UBE2H: variants seen among roughly 807,000 people sequenced by gnomAD.
UBE2H encodes the protein ubiquitin conjugating enzyme E2 H, also known as ubiquitin-conjugating enzyme E2 H.
In UBE2H, 3 loss-of-function variants were observed where a neutral mutation model predicts 29.0. That is an observed-to-expected ratio of 0.10 (90% CI 0.05 to 0.27). UBE2H has a LOEUF of 0.27. Among genes scored for constraint, UBE2H ranks in the 10% least tolerant of loss-of-function variants. The pLI, the probability that UBE2H is intolerant of heterozygous loss-of-function variation, is 1.00. For synonymous variants in UBE2H, 69 were observed against 82.9 expected, an observed-to-expected ratio of 0.83 and a Z score of 0.91; for missense variants, 68 against 228.2, an observed-to-expected ratio of 0.30 and a Z score of 4.52.
intron 1 of UBE2H, among the ~76,000 whole-genome samples, chr7:129,945,843 C>T (rs1374206043): frequency 1.3e-5 from 2 of 151,990 alleles, no homozygotes; most frequent in African/African-American, 2.4e-5. Flanking sequence ...CAGGTTCAAG[C>T]GAATTGATTC....
intron 5 of UBE2H, among the ~76,000 whole-genome samples, chr7:129,854,838 C>T (rs1375740342): frequency 4.6e-5 from 7 of 152,016 alleles, no homozygotes; most frequent in Admixed American, 4.6e-4. Flanking sequence ...TGTGGTTTAT[C>T]TACACAATGA....
At chr7:129,858,805 A>C in intron 4 of UBE2H, 97 bp downstream of exon 4, 1 of 1,119,070 alleles carries the variant, frequency 8.9e-7, no homozygotes. Flanking sequence ...CCTCCTGATA[A>C]GGTCCAAAAA....
intron 1 of UBE2H, among the ~76,000 whole-genome samples, chr7:129,882,466 A>G (rs1391464059): frequency 1.3e-5 from 2 of 152,260 alleles, no homozygotes; most frequent in African/African-American, 4.8e-5. Flanking sequence ...CCCGTGTCCA[A>G]TGAGACACAG....
At chr7:129,838,614 A>G (rs751820227) in intron 6 of UBE2H, among the ~76,000 whole-genome samples, 7 of 152,124 alleles carry the variant, frequency 4.6e-5, no homozygotes, top group Admixed American at 6.5e-5. Context: ...AAAATGGAAA[A>G]TCCAATGAAC....
intron 1 of UBE2H, among the ~76,000 whole-genome samples, chr7:129,912,048 C>G (rs1806947968): frequency 6.6e-6 from 1 of 152,124 alleles, no homozygotes; most frequent in African/African-American, 2.4e-5. Context: ...GATGCAGGAC[C>G]AAGGTAGGCC....
At chr7:129,890,277 ATATATATACACGTG>A (rs1202875576) in intron 1 of UBE2H, among the ~76,000 whole-genome samples, 1 of 151,572 alleles carries the variant, frequency 6.6e-6, no homozygotes, top group African/African-American at 2.4e-5. Context: ...ATACACACGT[ATATATATACACGTG>A]TATATGTATA....
chr7:129,879,652 A>C lies in UBE2H; in HGVS notation c.131-10T>G. ...CCGCCTTCATATGGTGCTGAAATAA[A>C]AGTAAAAATGTTCATCAGAACTACA... On this transcript the variant is annotated splice_polypyrimidine_tract_variant and intron_variant, in intron 2 of 6. Coordinates refer to ENST00000355621, the MANE Select transcript of UBE2H (RefSeq NM_003344.4). The C allele has an allele frequency of 6.2e-7, 1 of 1,608,900 alleles. No individual in the cohort carries two copies. Among genetic ancestry groups the C allele is most frequent in the Non-Finnish European group, 8.5e-7 (1 of 1,177,750 alleles).
intron 1 of UBE2H, among the ~76,000 whole-genome samples, chr7:129,909,141 C>A (rs984522368): frequency 6.6e-6 from 1 of 152,030 alleles, no homozygotes; most frequent in Non-Finnish European, 1.5e-5. Flanking sequence ...CAACTGGAGC[C>A]CCTCTCTCTC....
chr7:129,856,596 A>G (rs1414551551), intron 5 of UBE2H, among the ~76,000 whole-genome samples: 3 of 152,232 alleles, frequency 2.0e-5, no homozygotes, highest in Non-Finnish European at 2.9e-5. Context: ...ACGGGGTAGG[A>G]GCACTGGAGT....
intron 1 of UBE2H, among the ~76,000 whole-genome samples, chr7:129,902,883 G>C (rs1454946144): frequency 1.3e-5 from 2 of 152,186 alleles, no homozygotes; most frequent in East Asian, 3.8e-4. Context: ...AGGTGTTAGT[G>C]TCTTACATAT....
In UBE2H at chr7:129,858,916, G is replaced by A; in HGVS notation, c.231C>T (p.Pro77=). Residue 77 remains proline, a synonymous_variant, in exon 4 of 7, where the codon CCC becomes CCT. Transcript: ENST00000355621. The stretch of plus-strand genomic sequence containing the variant: ...TAGTTACTTACGCTTCATCAATGTT[G>A]GGATGGAAAATTTTATTCATGAATC... ...SIGFMNKIFH[P]NIDEASGTVC... is the part of the protein sequence containing the mutation. 3 of 1,610,750 alleles carry A rather than the reference G, an allele frequency of 1.9e-6. No individual in the cohort carries two copies. Among genetic ancestry groups the A allele is most frequent in the Non-Finnish European group, 1.7e-6 (2 of 1,178,220 alleles).
intron 1 of UBE2H, chr7:129,949,104 T>A (rs571317272): frequency 2.2e-6 from 1 of 449,822 alleles, no homozygotes; most frequent in African/African-American, 2.0e-5. Flanking sequence ...CAGGGGCCAC[T>A]GGTTCACAGA....
chr7:129,857,658 CTAA>C, intron 4 of UBE2H, 95 bp from the exon 5 acceptor site: 1 of 1,293,078 alleles, frequency 7.7e-7, no homozygotes, highest in Non-Finnish European at 1.1e-6. Context: ...AGAAATACTT[CTAA>C]TAGATCTGTG....
rs1376137383 is a variant in UBE2H, at chr7:129,834,469, C to T, written c.*468G>A. On this transcript the variant is annotated 3_prime_UTR_variant, in exon 7 of 7. Coordinates refer to ENST00000355621, the MANE Select transcript of UBE2H (RefSeq NM_003344.4). The stretch of plus-strand genomic sequence containing the variant: ...ATTCTTACATGGCTGGCTCCGATGC[C>T]CCCACAGCAGGCCTCTTCCTCCCCA... 1 of 155,652 alleles carries T rather than the reference C, an allele frequency of 6.4e-6. No homozygotes were observed. Among genetic ancestry groups the T allele is most frequent in the Non-Finnish European group, 1.4e-5 (1 of 70,282 alleles). 9.6% of individuals were successfully genotyped at this position (155,652 alleles called of 1,614,324 possible).
At chr7:129,944,788 G>A (rs1807729328) in intron 1 of UBE2H, among the ~76,000 whole-genome samples, 1 of 150,580 alleles carries the variant, frequency 6.6e-6, no homozygotes, top group Non-Finnish European at 1.5e-5. Flanking sequence ...CCTACCACAT[G>A]ATCTAGCTTA....
intron 1 of UBE2H, among the ~76,000 whole-genome samples, chr7:129,911,456 T>C (rs1806935960): frequency 6.6e-6 from 1 of 151,426 alleles, no homozygotes; most frequent in Non-Finnish European, 1.5e-5. Context: ...CGGCAATAGG[T>C]AAGTAAACAA....
intron 1 of UBE2H, among the ~76,000 whole-genome samples, chr7:129,935,121 TA>T (rs1450441052): frequency 2.6e-5 from 4 of 151,530 alleles, no homozygotes; most frequent in Non-Finnish European, 4.4e-5. Flanking sequence ...GATAAATATA[TA>T]ACTTTTAAAA....
Position 129,869,808 on chromosome 7 carries a change from G to A in UBE2H, c.205+9760C>T, listed in dbSNP as rs139861192. Among the ~76,000 whole-genome samples the A allele has an allele frequency of 8.5e-3, 1,292 of 152,302 alleles. 10 individuals carry two copies. The highest frequency in any genetic ancestry group is 0.014 in the Non-Finnish European group (931 of 68,024). ...AGTTCACATCTACTGAGCTGGCAGG[G>A]AGGAGAGACATAAGTAAACAAATAT... On this transcript the variant is annotated intron_variant, in intron 3 of 6. Transcript: ENST00000355621.
intron 5 of UBE2H, among the ~76,000 whole-genome samples, chr7:129,842,659 T>G (rs1443902157): frequency 6.6e-6 from 1 of 152,136 alleles, no homozygotes; most frequent in African/African-American, 2.4e-5. Flanking sequence ...TCCCAACACT[T>G]TGGGAGGCTG....
Sources: allele counts gnomAD v4.1 joint callset (sites outside exome capture counted in the v4.1 genomes callset), GRCh38; gene constraint gnomAD v4.1.1; transcripts MANE v1.5; gene names NCBI Gene and HGNC (gene_info 2026-07-23, HGNC 2026-07-21).